The following KANK1 variants were observed in gnomAD, a reference collection of about 807,000 sequenced individuals.
The protein encoded by KANK1 is KN motif and ankyrin repeat domain-containing protein 1.
In KANK1, 109 loss-of-function variants were observed where a neutral mutation model predicts 106.2. That is an observed-to-expected ratio of 1.03 (90% CI 0.88 to 1.20). KANK1 has a LOEUF of 1.20. Ranked by LOEUF, KANK1 falls within the 50% of genes most tolerant of loss-of-function variation. The probability of loss-of-function intolerance (pLI) is 0.00; values close to 1 mark genes in which losing one functional copy is unlikely to be tolerated. For missense variants in KANK1, 2,399 were observed against 1,710.7 expected, an observed-to-expected ratio of 1.40 and a Z score of -7.10; for synonymous variants, 873 against 652.2, an observed-to-expected ratio of 1.34 and a Z score of -5.16.
chr9:500,475 C>T (rs914362982), upstream of KANK1, among the ~76,000 whole-genome samples: 3 of 152,190 alleles, frequency 2.0e-5, no homozygotes, highest in African/African-American at 7.2e-5. Context: ...CTGCAGATGC[C>T]ATTAGGTCTC....
chr9:648,724 G>A (rs1402122995), intron 1 of KANK1, among the ~76,000 whole-genome samples: 1 of 152,126 alleles, frequency 6.6e-6, no homozygotes, highest in Non-Finnish European at 1.5e-5. Context: ...CTGTTGCGGG[G>A]GAGAGTATCT....
intron 1 of KANK1, among the ~76,000 whole-genome samples, chr9:619,196 C>T (rs1832573802): frequency 6.6e-6 from 1 of 152,150 alleles, no homozygotes; most frequent in Non-Finnish European, 1.5e-5. Flanking sequence ...CAGGGGAGAG[C>T]TACAGTGCTT....
intron 1 of KANK1, among the ~76,000 whole-genome samples, chr9:554,536 C>G (rs980714907): frequency 2.0e-5 from 3 of 152,140 alleles, no homozygotes; most frequent in African/African-American, 4.8e-5. Context: ...TAAAGCAAAT[C>G]GGACTGATTT....
At chr9:634,943 C>T (rs1202305345) in intron 1 of KANK1, among the ~76,000 whole-genome samples, 1 of 152,178 alleles carries the variant, frequency 6.6e-6, no homozygotes, top group Non-Finnish European at 1.5e-5. Flanking sequence ...TACAGAAGTG[C>T]CAGGCATCAC....
Sources: gnomAD v4.1 joint callset for allele counts (sites outside exome capture counted in the v4.1 genomes callset) on GRCh38, gnomAD v4.1.1 for gene constraint, MANE v1.5 for transcripts, NCBI Gene and HGNC (gene_info 2026-07-23, HGNC 2026-07-21) for gene names.